Variants in GABRB2 observed in about 807,000 individuals in gnomAD.
GABRB2 encodes the protein gamma-aminobutyric acid receptor subunit beta-2.
A neutral mutation model predicts 54.7 loss-of-function variants in GABRB2; 16 were observed. The observed-to-expected ratio is 0.29, with a 90% CI of 0.20 to 0.44. GABRB2 has a LOEUF of 0.44. GABRB2 is among the 20% of genes least tolerant of loss of function. The pLI, the probability that GABRB2 is intolerant of heterozygous loss-of-function variation, is 1.00. For missense variants in GABRB2, 355 were observed against 644.0 expected (o/e 0.55, Z 4.86); for synonymous variants, 244 against 233.8 (o/e 1.04, Z -0.40).
Position 161,494,538 on chromosome 5 carries a change from CGTGTGTGTGTGTGT to C in GABRB2, c.238-34708_238-34695del, listed in dbSNP as rs35292247. Among the ~76,000 whole-genome samples, 8 of 146,242 alleles carry C rather than the reference CGTGTGTGTGTGTGT, an allele frequency of 5.5e-5. No individual in the cohort carries two copies. The East Asian group carries it at 6.1e-4, about 11-fold the overall frequency. On this transcript the variant is annotated intron_variant, in intron 3 of 9. Transcript: ENST00000393959. ...GGGAATATATTTACTGTTAGGTATGCGTGTGTGTGTGTGTGTGTGTGTGTGTGTGTGTGTGTGTA... is the reference window on the plus strand; with the variant it reads ...GGGAATATATTTACTGTTAGGTATGCGTGTGTGTGTGTGTGTGTGTGTGTA...
chr5:161,504,386 C>T (rs935022926), intron 3 of GABRB2, among the ~76,000 whole-genome samples: 21 of 152,082 alleles, frequency 1.4e-4, no homozygotes, highest in African/African-American at 5.1e-4. Context: ...ATTAGATTTT[C>T]ATATCAATGA....
chr5:161,476,595 T>A (rs976604563), intron 3 of GABRB2, among the ~76,000 whole-genome samples: 8 of 151,780 alleles, frequency 5.3e-5, no homozygotes, highest in African/African-American at 1.9e-4. Flanking sequence ...AACACAAATG[T>A]ATGGCCAATG....
intron 5 of GABRB2, 55 bp from the exon 6 acceptor site, chr5:161,336,824 A>C: frequency 1.3e-6 from 2 of 1,531,770 alleles, no homozygotes; most frequent in South Asian, 2.4e-5. Context: ...CAAAAAAAAA[A>C]AAACAGACAA....
intron 9 of GABRB2, 89 bp from the exon 10 acceptor site, chr5:161,294,517 G>T: frequency 1.8e-6 from 2 of 1,103,696 alleles, no homozygotes; most frequent in South Asian, 1.5e-5. Flanking sequence ...GCACTTAAGG[G>T]ATTTATAGGA....
chr5:161,387,776 A>C (rs190330918), intron 5 of GABRB2, among the ~76,000 whole-genome samples: 63 of 152,346 alleles, frequency 4.1e-4, no homozygotes, highest in South Asian at 3.7e-3. Context: ...GTTATATTTA[A>C]AAACTTAGCT....
intron 5 of GABRB2, among the ~76,000 whole-genome samples, chr5:161,392,286 T>A (rs921354174): frequency 6.6e-6 from 1 of 152,210 alleles, no homozygotes; most frequent in Non-Finnish European, 1.5e-5. Context: ...AAGTACTGTG[T>A]AATAGTATTT....
At chr5:161,326,559 G>C in intron 8 of GABRB2, 78 bp from the exon 9 acceptor site, 1 of 1,480,924 alleles carries the variant, frequency 6.8e-7, no homozygotes, top group Admixed American at 2.2e-5. Flanking sequence ...AAGTAAATTG[G>C]ATATAGATAA....
At chr5:161,436,607 A>T (rs961710942) in intron 4 of GABRB2, among the ~76,000 whole-genome samples, 1 of 152,048 alleles carries the variant, frequency 6.6e-6, no homozygotes, top group African/African-American at 2.4e-5. Flanking sequence ...AGCTCCACTG[A>T]TTGCTCCCCT....
intron 4 of GABRB2, among the ~76,000 whole-genome samples, chr5:161,413,727 A>G (rs1384758468): frequency 6.6e-6 from 1 of 152,234 alleles, no homozygotes; most frequent in African/African-American, 2.4e-5. Flanking sequence ...GTCTTGAGAA[A>G]CTAGAGAAAA....
intron 3 of GABRB2, among the ~76,000 whole-genome samples, chr5:161,501,457 T>C (rs2113378937): frequency 6.6e-6 from 1 of 152,332 alleles, no homozygotes; most frequent in Non-Finnish European, 1.5e-5. Context: ...TTGTTAACTA[T>C]GCTACTATGC....
At chr5:161,414,903 G>A (rs910407587) in intron 4 of GABRB2, among the ~76,000 whole-genome samples, 4 of 152,082 alleles carry the variant, frequency 2.6e-5, no homozygotes, top group African/African-American at 9.7e-5. Flanking sequence ...TTAAAATATA[G>A]AAGAAGCTGT....
chr5:161,406,197 G>C (rs1756344970), intron 5 of GABRB2, among the ~76,000 whole-genome samples: 1 of 152,056 alleles, frequency 6.6e-6, no homozygotes, highest in Admixed American at 6.6e-5. Context: ...TCCAAATCCA[G>C]ATGTCAAAAT....
In GABRB2 at chr5:161,524,617, C is replaced by T. The variant is rs1046308426; in HGVS notation, c.237+20610G>A. On this transcript the variant is annotated intron_variant, in intron 3 of 9. Coordinates refer to ENST00000393959, the MANE Select transcript of GABRB2 (RefSeq NM_001371727.1). ...GATTTAGCCAATCAGATCAAGAAAG[C>T]CAAGTTTTAACGCAATCCTAGTGAG... 1.3e-4 allele frequency among the ~76,000 whole-genome samples: 20 copies of T among 151,334 alleles called. No homozygotes were observed. In the Middle Eastern group the frequency reaches 0.01, roughly 77 times the overall value.
intron 9 of GABRB2, among the ~76,000 whole-genome samples, chr5:161,296,019 TGCA>T (rs1310621161): frequency 1.3e-5 from 2 of 152,210 alleles, no homozygotes; most frequent in Non-Finnish European, 2.9e-5. Flanking sequence ...ACCAGTGCTT[TGCA>T]GCAACTGATT....
At chr5:161,546,852 A>C, upstream of GABRB2, 1 of 1,045,800 alleles carries the variant, frequency 9.6e-7, no homozygotes, top group African/African-American at 1.6e-5. Context: ...ATGTATATGT[A>C]TAATACATAC....
intron 5 of GABRB2, among the ~76,000 whole-genome samples, chr5:161,384,541 C>T (rs1350177787): frequency 6.6e-6 from 1 of 152,156 alleles, no homozygotes; most frequent in African/African-American, 2.4e-5. Context: ...CCGACACCTG[C>T]TTACTAATAG....
chr5:161,419,556 C>A (rs1199815449), intron 4 of GABRB2, among the ~76,000 whole-genome samples: 2 of 152,190 alleles, frequency 1.3e-5, no homozygotes, highest in Non-Finnish European at 2.9e-5. Context: ...ATGGAATCAA[C>A]CTACGTGTCC....
chr5:161,425,443 C>T (rs1177228791), intron 4 of GABRB2, among the ~76,000 whole-genome samples: 1 of 152,046 alleles, frequency 6.6e-6, no homozygotes, highest in East Asian at 1.9e-4. Context: ...AGGCTCCCCA[C>T]CTCCAAAAAG....
chr5:161,377,617 T>C (rs1023227955), intron 5 of GABRB2, among the ~76,000 whole-genome samples: 5 of 152,130 alleles, frequency 3.3e-5, no homozygotes, highest in Non-Finnish European at 7.4e-5. Context: ...TTGTTTTAGA[T>C]TGCAACTTCT....
Sources: gnomAD v4.1 joint callset for allele counts (sites outside exome capture counted in the v4.1 genomes callset) on GRCh38, gnomAD v4.1.1 for gene constraint, MANE v1.5 for transcripts, NCBI Gene and HGNC (gene_info 2026-07-23, HGNC 2026-07-21) for gene names.